The following ZSCAN1 variants were observed in gnomAD, a reference collection of about 807,000 sequenced individuals.
ZSCAN1 encodes zinc finger and SCAN domain containing 1.
Under a neutral mutation model 23.8 loss-of-function variants are expected in ZSCAN1, and 23 were observed. The ratio of observed to expected loss-of-function variants is 0.97; its 90% CI spans 0.70 to 1.37. The LOEUF (loss-of-function observed/expected upper bound fraction) is 1.37. Among genes scored for constraint, ZSCAN1 ranks in the 40% most tolerant of loss-of-function variants. ZSCAN1 has a pLI of 0.00. For missense variants in ZSCAN1, 575 were observed against 554.0 expected (o/e 1.04, Z -0.38); for synonymous variants, 236 against 232.3 (o/e 1.02, Z -0.15).
At chr19:58,039,547 A>T (rs1356711681) in intron 3 of ZSCAN1, among the ~76,000 whole-genome samples, 1 of 152,152 alleles carries the variant, frequency 6.6e-6, no homozygotes, top group Non-Finnish European at 1.5e-5. Context: ...AGGCAGGCGG[A>T]TCACAAGGCA....
In ZSCAN1 at chr19:58,047,995, G is replaced by A. The variant is rs1476144499; in HGVS notation, c.466-4495G>A. ...TGGTTCCTGGTAAAAATGTCCCTCC[G>A]GGGGCCTCCAAGCATAGGATTTGGA... On this transcript the variant is annotated intron_variant, in intron 4 of 5. Coordinates refer to ENST00000282326, the MANE Select transcript of ZSCAN1 (RefSeq NM_182572.4). This position sits in a 1 kb window ranked among gnomAD's most constrained non-coding sequence, Gnocchi z 4.9. 2.6e-5 allele frequency among the ~76,000 whole-genome samples: 4 copies of A among 152,198 alleles called. No homozygotes were observed. Among genetic ancestry groups the A allele is most frequent in the South Asian group, 2.1e-4 (1 of 4,834 alleles).
chr19:58,053,443 T>G lies in ZSCAN1; in HGVS notation c.619T>G (p.Leu207Val). 1 of 1,610,650 alleles carries G rather than the reference T, an allele frequency of 6.2e-7. No homozygotes were observed. ...APGLLGSRAR[L>V]PLKPSIWDEP... ...GCCCTCCACAGGGTCCCGGGCCCGC[T>G]TGCCTCTGAAGCCGAGTATCTGGGA... is the stretch of plus-strand genomic sequence containing the variant. Residue 207 changes from leucine (L) to valine (V), a missense_variant, in exon 6 of 6, where the codon TTG (leucine) becomes GTG (valine). Physicochemically the swap from Leu to Val is conservative, Grantham distance 32. Transcript: ENST00000282326. This position sits in a 1 kb window ranked among gnomAD's most constrained non-coding sequence, Gnocchi z 5.8.
At chr19:58,051,268 G>A (rs1033012206) in intron 4 of ZSCAN1, among the ~76,000 whole-genome samples, 4 of 148,898 alleles carry the variant, frequency 2.7e-5, no homozygotes, top group South Asian at 2.2e-4. Flanking sequence ...AGGAAGAGGC[G>A]TAAAAGGGAG....
downstream of ZSCAN1, among the ~76,000 whole-genome samples, chr19:58,055,540 T>G (rs572749507): frequency 1.3e-5 from 2 of 152,170 alleles, no homozygotes; most frequent in Admixed American, 6.5e-5. Context: ...AGGAGGAGCT[T>G]CTTCTACAGA....
chr19:58,052,736 T>G (rs2073866051), intron 5 of ZSCAN1, 108 bp downstream of exon 5: 2 of 1,432,226 alleles, frequency 1.4e-6, no homozygotes, highest in Non-Finnish European at 1.9e-6. Context: ...GGTGGTGAAC[T>G]CCACACTTCC....
chr19:58,039,731 A>G (rs1056341418), intron 3 of ZSCAN1, among the ~76,000 whole-genome samples: 6 of 143,792 alleles, frequency 4.2e-5, no homozygotes, highest in Non-Finnish European at 7.5e-5. Context: ...AGATCACGCC[A>G]CTGCACTGCA....
Position 58,047,892 on chromosome 19 carries a change from T to C in ZSCAN1, c.466-4598T>C, listed in dbSNP as rs1183333950. 6.6e-6 allele frequency among the ~76,000 whole-genome samples: 1 copy of C among 152,180 alleles called. No individual in the cohort carries two copies. The highest frequency in any genetic ancestry group is 1.5e-5 in the Non-Finnish European group (1 of 68,040). ...CAGCATGGTCGGGCTGGCGAGGGCG[T>C]GGGCAGGCAGTGTCCTGTGGCCACC... is the stretch of plus-strand genomic sequence containing the variant. On this transcript the variant is annotated intron_variant, in intron 4 of 5. Coordinates refer to ENST00000282326, the MANE Select transcript of ZSCAN1 (RefSeq NM_182572.4). This position sits in a 1 kb window ranked among gnomAD's most constrained non-coding sequence, Gnocchi z 4.9.
downstream of ZSCAN1, among the ~76,000 whole-genome samples, chr19:58,055,248 G>C (rs2073883746): frequency 6.6e-6 from 1 of 152,184 alleles, no homozygotes; most frequent in African/African-American, 2.4e-5. Context: ...TCTCAACCAA[G>C]CTGCCCCCAC....
intron 2 of ZSCAN1, among the ~76,000 whole-genome samples, chr19:58,037,063 T>C (rs159874): frequency 0.89 from 135,888 of 152,176 alleles, 61,401 homozygotes; most frequent in African/African-American, 0.94. Flanking sequence ...CTCTTCCTGG[T>C]CTCCACCCCC....
intron 4 of ZSCAN1, among the ~76,000 whole-genome samples, chr19:58,046,942 C>T (rs2073830307): frequency 6.6e-6 from 1 of 152,240 alleles, no homozygotes; most frequent in Non-Finnish European, 1.5e-5. Flanking sequence ...TTCAATCTGT[C>T]TGGAGTCCCA....
rs2073776124 is a variant in ZSCAN1, at chr19:58,040,146, A to C, written c.371-304A>C. 6.6e-6 allele frequency among the ~76,000 whole-genome samples: 1 copy of C among 152,204 alleles called. No individual in the cohort carries two copies. Among genetic ancestry groups the C allele is most frequent in the South Asian group, 2.1e-4 (1 of 4,836 alleles). On this transcript the variant is annotated intron_variant, in intron 3 of 5. Transcript: ENST00000282326. The surrounding 1 kb of genome is among the most constrained non-coding windows in gnomAD (Gnocchi z 5.8). ...GGGGGGCTTGGGGAGCAGAGGGCTC[A>C]CAGTGCTCGGGCCTCCCTAGTTAGT...
chr19:58,046,492 G>A lies in ZSCAN1; in HGVS notation c.465+5948G>A, dbSNP rs1428809169. Reference sequence around the variant, plus strand: ...GGCCCCGGCCAAGGGCGTGCCCATGGGGGAGAACGTCATCAGTGTTGCCGA... The same window carrying A: ...GGCCCCGGCCAAGGGCGTGCCCATGAGGGAGAACGTCATCAGTGTTGCCGA... On this transcript the variant is annotated intron_variant, in intron 4 of 5. Transcript: ENST00000282326. 1.1e-5 allele frequency: 10 copies of A among 887,566 alleles called. No homozygotes were observed. In the African/African-American group the frequency reaches 1.3e-4, roughly 12 times the overall value. The allele number at this position is 887,566 out of a possible 1,614,324, so 55.0% of individuals were successfully genotyped here.
chr19:58,037,575 G>A (rs1366635767), intron 2 of ZSCAN1, among the ~76,000 whole-genome samples, 153 bp from the exon 3 acceptor site: 1 of 152,142 alleles, frequency 6.6e-6, no homozygotes, highest in Non-Finnish European at 1.5e-5. Flanking sequence ...CCTGTGAGAG[G>A]CATGTGGAAG....
At chr19:58,046,092 G>T (rs1442466215) in intron 4 of ZSCAN1, 4 of 685,032 alleles carry the variant, frequency 5.8e-6, no homozygotes, top group Admixed American at 4.7e-5. Flanking sequence ...CAGGGGCCCA[G>T]CCCCAGCCAG....
chr19:58,042,752 G>A (rs1438798294), intron 4 of ZSCAN1, among the ~76,000 whole-genome samples: 1 of 152,142 alleles, frequency 6.6e-6, no homozygotes. Context: ...AACCACAGCC[G>A]CGCTCACAGG....
chr19:58,040,552 C>T lies in ZSCAN1; in HGVS notation c.465+8C>T, dbSNP rs375907906. ...CAGAAAGAACCATCGCAGGTGAGCC[C>T]GGGGCCCCCAGCTCCGTGCTCCTGC... On this transcript the variant is annotated splice_region_variant and intron_variant, in intron 4 of 5. Transcript: ENST00000282326. The surrounding 1 kb of genome is among the most constrained non-coding windows in gnomAD (Gnocchi z 5.8). The T allele has an allele frequency of 8.1e-6, 13 of 1,612,896 alleles. No individual in the cohort carries two copies. The highest frequency in any genetic ancestry group is 5.0e-5 in the Admixed American group (3 of 59,990).
At position 58,047,553 on chromosome 19, in the gene ZSCAN1, T is replaced by G. The variant is rs2073834128; in HGVS notation, c.466-4937T>G. Among the ~76,000 whole-genome samples the G allele has an allele frequency of 6.6e-6, 1 of 152,214 alleles. No individual in the cohort carries two copies. Among genetic ancestry groups the G allele is most frequent in the African/African-American group, 2.4e-5 (1 of 41,464 alleles). On this transcript the variant is annotated intron_variant, in intron 4 of 5. Transcript: ENST00000282326. This position sits in a 1 kb window ranked among gnomAD's most constrained non-coding sequence, Gnocchi z 4.9. ...GGACTCCCTTGGGTGGTGCTTGGGC[T>G]GCGCGCCACGGGGGCTGCAGTGGAT...
intron 4 of ZSCAN1, chr19:58,046,342 G>A: frequency 1.1e-6 from 1 of 923,338 alleles, no homozygotes; most frequent in Non-Finnish European, 1.8e-6. Flanking sequence ...TTCAAAGACT[G>A]GTGAAGAAAA....
Position 58,038,053 on chromosome 19 carries a change from T to C in ZSCAN1, c.217T>C (p.Ser73Pro). Residue 73 changes from serine (S) to proline (P), a missense_variant, in exon 3 of 6, where the codon TCC becomes CCC. Physicochemically the swap from Ser to Pro is moderately conservative, Grantham distance 74. Transcript: ENST00000282326. ...CRQWLRPEAR[S>P]KEQMLELLVL... ...CCAGTGGCTGAGGCCCGAGGCGCGC[T>C]CCAAGGAGCAGATGCTGGAGCTGCT... 6.2e-7 allele frequency: 1 copy of C among 1,611,900 alleles called. No individual in the cohort carries two copies. The highest frequency in any genetic ancestry group is 8.5e-7 in the Non-Finnish European group (1 of 1,179,770).
Sources: allele counts gnomAD v4.1 joint callset (sites outside exome capture counted in the v4.1 genomes callset), GRCh38; gene constraint gnomAD v4.1.1; non-coding constraint Gnocchi (gnomAD v3.1); transcripts MANE v1.5; gene names NCBI Gene and HGNC (gene_info 2026-07-23, HGNC 2026-07-21).